DENND5B: variants seen among roughly 807,000 people sequenced by gnomAD.
DENND5B encodes DENN domain-containing protein 5B.
In DENND5B, 34 loss-of-function variants were observed where a neutral mutation model predicts 140.6. The ratio of observed to expected loss-of-function variants is 0.24; its 90% CI spans 0.18 to 0.32. The LOEUF (loss-of-function observed/expected upper bound fraction) is 0.32, where lower values mean the gene tolerates loss of function less well. Among genes scored for constraint, DENND5B ranks in the 10% least tolerant of loss-of-function variants. DENND5B has a pLI of 1.00. For synonymous variants in DENND5B, 551 were observed against 562.1 expected (o/e 0.98, Z 0.28); for missense variants, 1,142 against 1,560.2 (o/e 0.73, Z 4.52).
At chr12:31,402,407 T>C in intron 15 of DENND5B, 91 bp downstream of exon 15, 1 of 1,456,604 alleles carries the variant, frequency 6.9e-7, no homozygotes, top group African/African-American at 1.4e-5. Flanking sequence ...TCTATTTTAT[T>C]TGATTCAAGG....
At chr12:31,416,515 T>C (rs1285232092) in intron 11 of DENND5B, among the ~76,000 whole-genome samples, 2 of 151,678 alleles carry the variant, frequency 1.3e-5, no homozygotes, top group African/African-American at 4.8e-5. Context: ...CTGCCCGCCT[T>C]GGCCTCCCAA....
intron 1 of DENND5B, among the ~76,000 whole-genome samples, chr12:31,567,675 G>A (rs1004243346): frequency 5.9e-5 from 9 of 151,962 alleles, no homozygotes; most frequent in African/African-American, 2.2e-4. Flanking sequence ...ACCTTTTAGG[G>A]TGGTGCATAC....
At chr12:31,574,856 T>C (rs1221939840) in intron 1 of DENND5B, among the ~76,000 whole-genome samples, 6 of 152,236 alleles carry the variant, frequency 3.9e-5, no homozygotes, top group Non-Finnish European at 7.3e-5. Context: ...TAAAATCAGA[T>C]TGTAGCTAGA....
chr12:31,558,613 G>T (rs1260865386), intron 1 of DENND5B, among the ~76,000 whole-genome samples: 1 of 152,066 alleles, frequency 6.6e-6, no homozygotes, highest in African/African-American at 2.4e-5. Flanking sequence ...AAACTTCTTT[G>T]AATCTATTAC....
intron 1 of DENND5B, among the ~76,000 whole-genome samples, chr12:31,525,030 A>C (rs1346238559): frequency 6.6e-6 from 1 of 152,242 alleles, no homozygotes; most frequent in Admixed American, 6.5e-5. Flanking sequence ...CCACAATGAG[A>C]TACCACTTCA....
chr12:31,559,528 C>A lies in DENND5B; in HGVS notation c.127+31178G>T, dbSNP rs1352980045. On this transcript the variant is annotated intron_variant, in intron 1 of 20. Transcript: ENST00000389082. ...AATGTTAAAATCCTATTATGTTCAACCGCTGATGATTTTCAGAATTTACAT... is the reference window on the plus strand; with the variant it reads ...AATGTTAAAATCCTATTATGTTCAAACGCTGATGATTTTCAGAATTTACAT... Among the ~76,000 whole-genome samples the A allele has an allele frequency of 2.6e-5, 4 of 152,074 alleles. No individual in the cohort carries two copies. In the East Asian group the frequency reaches 5.8e-4, roughly 22 times the overall value.
chr12:31,585,872 GAC>G (rs768955404), intron 1 of DENND5B, among the ~76,000 whole-genome samples: 5 of 152,212 alleles, frequency 3.3e-5, no homozygotes, highest in African/African-American at 4.8e-5. Flanking sequence ...TCATCCATCA[GAC>G]TTCGACAACT....
At chr12:31,478,932 T>C (rs1945944983) in intron 3 of DENND5B, among the ~76,000 whole-genome samples, 1 of 152,194 alleles carries the variant, frequency 6.6e-6, no homozygotes, top group Non-Finnish European at 1.5e-5. Flanking sequence ...TTAATATGTG[T>C]TGGAAGAACT....
At chr12:31,411,336 C>CTTTTTT (rs143130029) in intron 13 of DENND5B, among the ~76,000 whole-genome samples, 1 of 62,090 alleles carries the variant, frequency 1.6e-5, no homozygotes, top group African/African-American at 6.2e-5. Flanking sequence ...CACGCCCGGC[C>CTTTTTT]TTTTTTTTTT....
intron 1 of DENND5B, among the ~76,000 whole-genome samples, chr12:31,512,566 T>A (rs796427886): frequency 2.6e-5 from 4 of 152,112 alleles, no homozygotes; most frequent in African/African-American, 9.6e-5. Context: ...CTTTAATAAT[T>A]TGTGTTGGTT....
rs1221961982 is a variant in DENND5B at position 31,433,862 on chromosome 12, T to TA, written c.2013-615dup. Among the ~76,000 whole-genome samples, 4 of 152,138 alleles carry TA rather than the reference T, an allele frequency of 2.6e-5. No individual in the cohort carries two copies. The East Asian group carries it at 5.8e-4, about 22-fold the overall frequency. On this transcript the variant is annotated intron_variant, in intron 7 of 20. Transcript: ENST00000389082. ...AGTGAGACTGTCTCTACAAAAAATT[T>TA]AAAAAATTAGCCTCCTTAGCTACTT...
At position 31,499,661 on chromosome 12, in the gene DENND5B, T is replaced by C. The variant is rs1225155640; in HGVS notation, c.128-3742A>G. ...TGCCATGACGATCTGCTTCTAGCCATTGGTACAAAACTACATAATGTAACA... is the reference window on the plus strand; with the variant it reads ...TGCCATGACGATCTGCTTCTAGCCACTGGTACAAAACTACATAATGTAACA... On this transcript the variant is annotated intron_variant, in intron 1 of 20. Coordinates refer to ENST00000389082, the MANE Select transcript of DENND5B (RefSeq NM_144973.4). The C allele has an allele frequency of 3.3e-6, 5 of 1,499,456 alleles. No homozygotes were observed. The East Asian group carries it at 7.5e-5, about 23-fold the overall frequency. 92.9% of individuals were successfully genotyped at this position (1,499,456 alleles called of 1,614,324 possible).
intron 1 of DENND5B, among the ~76,000 whole-genome samples, chr12:31,531,812 A>G (rs1036966169): frequency 3.9e-5 from 6 of 152,168 alleles, no homozygotes; most frequent in Non-Finnish European, 5.9e-5. Flanking sequence ...TCTCCATTCT[A>G]CTCACTACAA....
At chr12:31,526,849 G>A (rs746791591) in intron 1 of DENND5B, among the ~76,000 whole-genome samples, 9 of 152,180 alleles carry the variant, frequency 5.9e-5, no homozygotes, top group South Asian at 2.1e-4. Flanking sequence ...GAACTCTTCC[G>A]CAAATCCAAA....
intron 1 of DENND5B, among the ~76,000 whole-genome samples, chr12:31,576,013 T>G (rs1950001183): frequency 6.6e-6 from 1 of 151,396 alleles, no homozygotes. Flanking sequence ...TGGTGGCACA[T>G]GCCTGTAGTC....
At chr12:31,579,931 G>A (rs1022428503) in intron 1 of DENND5B, among the ~76,000 whole-genome samples, 2 of 151,696 alleles carry the variant, frequency 1.3e-5, no homozygotes, top group East Asian at 3.9e-4. Flanking sequence ...ACAGTGCATT[G>A]TAAAGCACAA....
chr12:31,394,825 G>A (rs958795931), intron 17 of DENND5B, among the ~76,000 whole-genome samples: 1 of 152,020 alleles, frequency 6.6e-6, no homozygotes, highest in African/African-American at 2.4e-5. Flanking sequence ...ATGTTAGCCA[G>A]GATGGTCTCG....
intron 1 of DENND5B, among the ~76,000 whole-genome samples, chr12:31,577,568 A>G (rs1950057693): frequency 1.3e-5 from 2 of 151,920 alleles, no homozygotes; most frequent in African/African-American, 2.4e-5. Flanking sequence ...AAAATTAGCC[A>G]GGCGTGGTGG....
chr12:31,500,054 T>C (rs1180595090), intron 1 of DENND5B, among the ~76,000 whole-genome samples: 1 of 152,224 alleles, frequency 6.6e-6, no homozygotes, highest in Non-Finnish European at 1.5e-5. Context: ...AAGAAGGGTT[T>C]TGGATTTCTG....
Sources: allele counts gnomAD v4.1 joint callset (sites outside exome capture counted in the v4.1 genomes callset), GRCh38; gene constraint gnomAD v4.1.1; transcripts MANE v1.5; gene names NCBI Gene and HGNC (gene_info 2026-07-23, HGNC 2026-07-21).